Variants in KAT2B observed in about 807,000 individuals in gnomAD.
The protein encoded by KAT2B is histone acetyltransferase KAT2B.
KAT2B carries 36 observed loss-of-function variants against 105.9 expected under a neutral mutation model. That is an observed-to-expected ratio of 0.34 (90% CI 0.26 to 0.45). KAT2B has a LOEUF of 0.45. Ranked by LOEUF, KAT2B falls within the 20% of genes least tolerant of loss-of-function variation. The pLI is 1.00. For synonymous variants in KAT2B, 397 were observed against 377.9 expected, an observed-to-expected ratio of 1.05 and a Z score of -0.59; for missense variants, 820 against 1,021.6, an observed-to-expected ratio of 0.80 and a Z score of 2.69.
chr3:20,118,218 CATATGTAA>C (rs1050299612), intron 7 of KAT2B, among the ~76,000 whole-genome samples: 4 of 143,568 alleles, frequency 2.8e-5, no homozygotes, highest in African/African-American at 1.0e-4. Context: ...TATATATTTA[CATATGTAA>C]ATATGTAAAT....
At chr3:20,101,830 G>A (rs1559314084) in intron 5 of KAT2B, among the ~76,000 whole-genome samples, 3 of 152,064 alleles carry the variant, frequency 2.0e-5, no homozygotes, top group Non-Finnish European at 1.5e-5. Context: ...GGATACATTG[G>A]ATTAAATAAA....
At chr3:20,080,089 A>G (rs182846999) in intron 2 of KAT2B, among the ~76,000 whole-genome samples, 1 of 152,116 alleles carries the variant, frequency 6.6e-6, no homozygotes, top group East Asian at 1.9e-4. Context: ...TCTTATTTCC[A>G]TTCCTGCATA....
rs777123262 is a variant in KAT2B at position 20,095,415 on chromosome 3, T to C, written c.576+7T>C. 22 of 1,554,184 alleles carry C rather than the reference T, an allele frequency of 1.4e-5. No homozygotes were observed. Among genetic ancestry groups the C allele is most frequent in the Non-Finnish European group, 1.9e-5 (21 of 1,131,508 alleles). On this transcript the variant is annotated splice_region_variant and intron_variant, in intron 3 of 17. Transcript: ENST00000263754. ...TTATTTCTATCTATTTAAGGTGAGA[T>C]TTTAACATTTTAAAAACATTTTCTC...
At chr3:20,149,452 C>A (rs994964129) in intron 17 of KAT2B, among the ~76,000 whole-genome samples, 11 of 132,782 alleles carry the variant, frequency 8.3e-5, no homozygotes, top group African/African-American at 3.3e-4. Flanking sequence ...GCTGTGATTG[C>A]ACCACTGCAC....
chr3:20,084,948 A>G lies in KAT2B; in HGVS notation c.431-10315A>G, dbSNP rs146291968. 1.2e-4 allele frequency among the ~76,000 whole-genome samples: 19 copies of G among 152,340 alleles called. No homozygotes were observed. The East Asian group carries it at 3.1e-3, about 25-fold the overall frequency. On this transcript the variant is annotated intron_variant, in intron 2 of 17. Transcript: ENST00000263754. Reference sequence around the variant, plus strand: ...TGTACTTCCATGAGTTAAACCTACTATATGTAGCACCTTAATTAGATGGTT... The same window carrying G: ...TGTACTTCCATGAGTTAAACCTACTGTATGTAGCACCTTAATTAGATGGTT...
At chr3:20,142,077 C>T (rs1699703992) in intron 13 of KAT2B, among the ~76,000 whole-genome samples, 1 of 152,200 alleles carries the variant, frequency 6.6e-6, no homozygotes, top group Admixed American at 6.5e-5. Context: ...AGCACTAATT[C>T]ATCCCCACGG....
intron 13 of KAT2B, among the ~76,000 whole-genome samples, chr3:20,145,407 A>G (rs375085710): frequency 4.1e-4 from 62 of 152,292 alleles, no homozygotes; most frequent in African/African-American, 1.2e-3. Context: ...TTCATGCTGC[A>G]GTATTTACCA....
At chr3:20,112,002 C>T (rs1699130410) in intron 6 of KAT2B, among the ~76,000 whole-genome samples, 1 of 152,150 alleles carries the variant, frequency 6.6e-6, no homozygotes, top group African/African-American at 2.4e-5. Flanking sequence ...TCATTGCTCC[C>T]TTATCCCCTC....
At chr3:20,062,390 T>C (rs192195874) in intron 1 of KAT2B, among the ~76,000 whole-genome samples, 1,527 of 95,874 alleles carry the variant, frequency 0.016, 39 homozygotes, top group African/African-American at 0.058. Context: ...ATATATAACA[T>C]AATAAATTAT....
chr3:20,069,420 C>T (rs920397397), intron 1 of KAT2B, among the ~76,000 whole-genome samples: 1 of 152,112 alleles, frequency 6.6e-6, no homozygotes, highest in Non-Finnish European at 1.5e-5. Context: ...AGATCAACTT[C>T]TGTCCTTCTT....
At chr3:20,128,492 TTTTG>T (rs869170707) in intron 11 of KAT2B, among the ~76,000 whole-genome samples, 2 of 152,088 alleles carry the variant, frequency 1.3e-5, no homozygotes, top group African/African-American at 2.4e-5. Flanking sequence ...TTTTGTTTTG[TTTTG>T]TTTTTTTTTG....
chr3:20,142,504 A>G (rs1441208094), intron 13 of KAT2B, among the ~76,000 whole-genome samples: 3 of 152,228 alleles, frequency 2.0e-5, no homozygotes, highest in Admixed American at 1.3e-4. Context: ...AACAGTGAAT[A>G]TTCTGAGGCA....
At chr3:20,101,491 C>T in intron 5 of KAT2B, 23 bp downstream of exon 5, 3 of 1,606,958 alleles carry the variant, frequency 1.9e-6, no homozygotes, top group Non-Finnish European at 2.6e-6. Context: ...AAGTTCTTTT[C>T]CTTTGGCCCC....
intron 11 of KAT2B, 128 bp downstream of exon 11, chr3:20,127,677 G>T: frequency 2.3e-6 from 2 of 857,618 alleles, no homozygotes. Context: ...AGGACTTTCT[G>T]GGAATAGTCC....
intron 2 of KAT2B, among the ~76,000 whole-genome samples, chr3:20,078,759 A>T (rs1488027048): frequency 6.6e-6 from 1 of 151,338 alleles, no homozygotes; most frequent in Non-Finnish European, 1.5e-5. Flanking sequence ...GTCACTATAG[A>T]TTCCTTGCTT....
intron 15 of KAT2B, 22 bp from the exon 16 acceptor site, chr3:20,148,218 CCTT>C: frequency 6.3e-7 from 1 of 1,599,628 alleles, no homozygotes; most frequent in Non-Finnish European, 8.6e-7. Context: ...AATCATTGCT[CCTT>C]GTTTCCCTTT....
At chr3:20,067,539 ACT>A in intron 1 of KAT2B, among the ~76,000 whole-genome samples, 1 of 151,758 alleles carries the variant, frequency 6.6e-6, no homozygotes, top group South Asian at 2.1e-4. Flanking sequence ...TATCTCTAAA[ACT>A]CTGTGTTGTC....
At chr3:20,141,089 C>T (rs938864833) in intron 13 of KAT2B, among the ~76,000 whole-genome samples, 1 of 152,136 alleles carries the variant, frequency 6.6e-6, no homozygotes. Flanking sequence ...TAAATCAAAC[C>T]GTTTCAGGGT....
chr3:20,140,781 C>T (rs927840212), intron 13 of KAT2B, among the ~76,000 whole-genome samples: 9 of 152,092 alleles, frequency 5.9e-5, no homozygotes, highest in South Asian at 2.1e-4. Context: ...TGTGAGCCAT[C>T]GCTCCTGGCC....
Sources: gnomAD v4.1 joint callset for allele counts (sites outside exome capture counted in the v4.1 genomes callset) on GRCh38, gnomAD v4.1.1 for gene constraint, MANE v1.5 for transcripts, NCBI Gene and HGNC (gene_info 2026-07-23, HGNC 2026-07-21) for gene names.